Variants in CACNB4 observed in about 807,000 individuals in gnomAD.
The protein encoded by CACNB4 is voltage-dependent L-type calcium channel subunit beta-4.
CACNB4 carries 32 observed loss-of-function variants against 71.2 expected under a neutral mutation model. The ratio of observed to expected loss-of-function variants is 0.45; its 90% CI spans 0.34 to 0.60. CACNB4 has a LOEUF of 0.60. Ranked by LOEUF, CACNB4 falls within the 20% of genes least tolerant of loss-of-function variation. The pLI is 0.01. For synonymous variants in CACNB4, 231 were observed against 236.9 expected (o/e 0.97, Z 0.23); for missense variants, 464 against 647.9 (o/e 0.72, Z 3.08).
At chr2:152,027,933 T>C (rs1309776212) in intron 2 of CACNB4, among the ~76,000 whole-genome samples, 4 of 148,892 alleles carry the variant, frequency 2.7e-5, no homozygotes, top group Admixed American at 2.7e-4. Flanking sequence ...CCTGAGAGCC[T>C]GCCCAGCTCT....
chr2:151,955,884 C>A (rs1037981302), intron 2 of CACNB4, among the ~76,000 whole-genome samples: 2 of 145,864 alleles, frequency 1.4e-5, no homozygotes, highest in African/African-American at 2.6e-5. Flanking sequence ...CCTGGGCCAA[C>A]AGAGCAAGGC....
chr2:151,839,175 G>T lies in CACNB4; in HGVS notation c.1507C>A (p.His503Asn). 1 of 1,613,642 alleles carries T rather than the reference G, an allele frequency of 6.2e-7. No individual in the cohort carries two copies. The highest frequency in any genetic ancestry group is 8.5e-7 in the Non-Finnish European group (1 of 1,179,604). The change falls in exon 14 of 14, where the codon CAT becomes AAT. Residue 503 changes from histidine to asparagine, a missense_variant. Coordinates refer to ENST00000539935, the MANE Select transcript of CACNB4 (RefSeq NM_000726.5). ...PDSYQDTYKP[H>N]RNRGSPGGYS... ...CCCCCAGGTGATCCTCGGTTCCTAT[G>T]GGGTTTGTAAGTGTCCTGGTATGAG...
intron 2 of CACNB4, among the ~76,000 whole-genome samples, chr2:151,921,821 C>A (rs530481265): frequency 6.6e-6 from 1 of 152,084 alleles, no homozygotes. Flanking sequence ...TGTGGCACTT[C>A]GCCCTTTTCT....
chr2:151,906,543 A>G (rs970082465), intron 2 of CACNB4, among the ~76,000 whole-genome samples: 3 of 152,238 alleles, frequency 2.0e-5, no homozygotes, highest in African/African-American at 4.8e-5. Context: ...GGGGTTAGCC[A>G]TATTTTCAGA....
chr2:151,938,033 A>G lies in CACNB4; in HGVS notation c.148-54663T>C, dbSNP rs187301283. Among the ~76,000 whole-genome samples, 529 of 152,326 alleles carry G rather than the reference A, an allele frequency of 3.5e-3. 10 individuals carry two copies. The highest frequency in any genetic ancestry group is 0.012 in the African/African-American group (505 of 41,566). The stretch of plus-strand genomic sequence containing the variant: ...ACTTCTATCCATTGGTCCTAACCCA[A>G]TATCTTGAGTTCCCACATAATAAGC... On this transcript the variant is annotated intron_variant, in intron 2 of 13. Transcript: ENST00000539935.
intron 2 of CACNB4, among the ~76,000 whole-genome samples, chr2:151,924,676 T>C (rs892630008): frequency 6.6e-6 from 1 of 152,150 alleles, no homozygotes; most frequent in African/African-American, 2.4e-5. Flanking sequence ...CCTGGATGAA[T>C]AAGAGAAGTT....
chr2:152,079,332 C>T (rs1687216584), intron 2 of CACNB4, among the ~76,000 whole-genome samples: 3 of 152,098 alleles, frequency 2.0e-5, no homozygotes, highest in Admixed American at 2.0e-4. Context: ...TCGTGATCCG[C>T]CTGCCTCAGC....
chr2:152,031,736 A>G (rs1684294430), intron 2 of CACNB4, among the ~76,000 whole-genome samples: 1 of 152,232 alleles, frequency 6.6e-6, no homozygotes, highest in Non-Finnish European at 1.5e-5. Flanking sequence ...GACAGTCAGC[A>G]GGGTCTCTGC....
At position 151,836,902 on chromosome 2, in the gene CACNB4, A is replaced by G. The variant is rs1273761942; in HGVS notation, c.*2217T>C. 1.3e-5 allele frequency: 2 copies of G among 152,014 alleles called. No homozygotes were observed. The highest frequency in any genetic ancestry group is 2.4e-5 in the African/African-American group (1 of 41,466). 9.4% of individuals were successfully genotyped at this position (152,014 alleles called of 1,614,324 possible). ...AAAAAGCTGAACAGCTGTCTAGTCT[A>G]AATTTGTACACCTTGGTGCACTCTT... On this transcript the variant is annotated 3_prime_UTR_variant, in exon 14 of 14. Coordinates refer to ENST00000539935, the MANE Select transcript of CACNB4 (RefSeq NM_000726.5).
chr2:152,071,615 G>A (rs779134947), intron 2 of CACNB4, among the ~76,000 whole-genome samples: 27 of 152,296 alleles, frequency 1.8e-4, no homozygotes, highest in Non-Finnish European at 3.2e-4. Flanking sequence ...GATTTGGTTG[G>A]TTTGGTTTTT....
intron 2 of CACNB4, among the ~76,000 whole-genome samples, chr2:152,041,804 T>G (rs1271993195): frequency 6.6e-6 from 1 of 152,222 alleles, no homozygotes; most frequent in Non-Finnish European, 1.5e-5. Flanking sequence ...AAAGATAGTG[T>G]TCTGTCTAGC....
intron 2 of CACNB4, among the ~76,000 whole-genome samples, chr2:151,933,515 G>GA (rs1376150383): frequency 1.3e-5 from 2 of 151,928 alleles, no homozygotes; most frequent in Non-Finnish European, 2.9e-5. Flanking sequence ...GTAACAGATA[G>GA]AAAAACTGTG....
chr2:152,098,849 G>A lies in CACNB4; in HGVS notation c.63+100C>T, dbSNP rs1688435138. ...GGGGCCGCCGACTCCCGGGACTGGGGCCCCGCACGCCCGGCACGAAGGCGG... is the reference window on the plus strand; with the variant it reads ...GGGGCCGCCGACTCCCGGGACTGGGACCCCGCACGCCCGGCACGAAGGCGG... On this transcript the variant is annotated intron_variant, in intron 1 of 13. Transcript: ENST00000539935. This position sits in a 1 kb window ranked among gnomAD's most constrained non-coding sequence, Gnocchi z 5.3. 3.7e-6 allele frequency: 4 copies of A among 1,084,772 alleles called. No individual in the cohort carries two copies. The highest frequency in any genetic ancestry group is 1.6e-5 in the African/African-American group (1 of 62,088). The allele number at this position is 1,084,772 out of a possible 1,614,324, so 67.2% of individuals were successfully genotyped here. A position where few individuals can be genotyped will look rare whatever the true frequency, so the allele number is the denominator to read the frequency against.
intron 8 of CACNB4, chr2:151,870,159 A>C (rs1161093118): frequency 1.6e-6 from 1 of 638,846 alleles, no homozygotes; most frequent in Non-Finnish European, 2.8e-6. Context: ...GGTTTGCTGG[A>C]AGATTGATTG....
At chr2:152,000,059 C>T (rs566908389) in intron 2 of CACNB4, among the ~76,000 whole-genome samples, 1 of 152,336 alleles carries the variant, frequency 6.6e-6, no homozygotes, top group South Asian at 2.1e-4. Context: ...GAATATCATA[C>T]TCCGACTTGA....
At chr2:151,904,576 C>T (rs1398465974) in intron 2 of CACNB4, among the ~76,000 whole-genome samples, 2 of 151,512 alleles carry the variant, frequency 1.3e-5, no homozygotes, top group African/African-American at 4.9e-5. Flanking sequence ...TCACTGTTGC[C>T]CAGGCTAGAG....
chr2:152,064,385 AT>A (rs1232581440), intron 2 of CACNB4, among the ~76,000 whole-genome samples: 1 of 152,080 alleles, frequency 6.6e-6, no homozygotes, highest in Non-Finnish European at 1.5e-5. Context: ...AATGTACTTT[AT>A]TTACTTATTT....
At position 151,889,211 on chromosome 2, in the gene CACNB4, G is replaced by A. The variant is rs556443038; in HGVS notation, c.148-5841C>T. ...TGGCCAGGTGTGGTGGCTCATGCCT[G>A]TAATCCCAGCATTTTGGGAGGCCGA... On this transcript the variant is annotated intron_variant, in intron 2 of 13. Coordinates refer to ENST00000539935, the MANE Select transcript of CACNB4 (RefSeq NM_000726.5). Among the ~76,000 whole-genome samples, 173 of 152,242 alleles carry A rather than the reference G, an allele frequency of 1.1e-3. 2 individuals carry two copies. Among genetic ancestry groups the A allele is most frequent in the African/African-American group, 4.0e-3 (166 of 41,546 alleles).
At chr2:151,957,257 C>CGTGTATATGTGTGT (rs3068823) in intron 2 of CACNB4, among the ~76,000 whole-genome samples, 2 of 131,870 alleles carry the variant, frequency 1.5e-5, no homozygotes, top group Non-Finnish European at 3.2e-5. Flanking sequence ...AGTGGCTGGG[C>CGTGTATATGTGTGT]GTGTGTGTGT....
Sources: allele counts gnomAD v4.1 joint callset (sites outside exome capture counted in the v4.1 genomes callset), GRCh38; gene constraint gnomAD v4.1.1; non-coding constraint Gnocchi (gnomAD v3.1); transcripts MANE v1.5; gene names NCBI Gene and HGNC (gene_info 2026-07-23, HGNC 2026-07-21).